The following EPHA6 variants were observed in gnomAD, a reference collection of about 807,000 sequenced individuals.
EPHA6 encodes EPH receptor A6.
A neutral mutation model predicts 112.0 loss-of-function variants in EPHA6; 50 were observed. The ratio of observed to expected loss-of-function variants is 0.45; its 90% CI spans 0.36 to 0.56. EPHA6 has a LOEUF of 0.56. Among genes scored for constraint, EPHA6 ranks in the 20% least tolerant of loss-of-function variants. The pLI, the probability that EPHA6 is intolerant of heterozygous loss-of-function variation, is 0.00. For synonymous variants in EPHA6, 529 were observed against 490.7 expected (o/e 1.08, Z -1.03); for missense variants, 1,280 against 1,417.4 (o/e 0.90, Z 1.56).
At chr3:97,560,650 T>C (rs2093176532) in intron 11 of EPHA6, 1 of 152,072 alleles carries the variant, frequency 6.6e-6, no homozygotes, top group South Asian at 2.1e-4. Flanking sequence ...AGTAGATTCA[T>C]TTTGAAGAAA....
chr3:97,275,936 G>C (rs919416602), intron 5 of EPHA6, among the ~76,000 whole-genome samples: 6 of 152,040 alleles, frequency 3.9e-5, no homozygotes, highest in African/African-American at 1.5e-4. Context: ...AGATAATTTA[G>C]TTAAAATGTC....
intron 1 of EPHA6, among the ~76,000 whole-genome samples, chr3:96,864,359 G>T (rs997513813): frequency 6.6e-6 from 1 of 152,044 alleles, no homozygotes; most frequent in African/African-American, 2.4e-5. Flanking sequence ...AGTGGAATAG[G>T]TTTCAGCAAC....
At position 96,915,914 on chromosome 3, in the gene EPHA6, A is replaced by T. The variant is rs553372191; in HGVS notation, c.450+49025A>T. Among the ~76,000 whole-genome samples, 19 of 152,218 alleles carry T rather than the reference A, an allele frequency of 1.2e-4. No homozygotes were observed. The East Asian group carries it at 3.3e-3, about 26-fold the overall frequency. On this transcript the variant is annotated intron_variant, in intron 2 of 17. Coordinates refer to ENST00000389672, the MANE Select transcript of EPHA6 (RefSeq NM_001080448.3). ...GGGAAATAGGAATAACCATCATTGA[A>T]TGTGTCGTATAGGTTTGTGTGATTC... is the stretch of plus-strand genomic sequence containing the variant.
At chr3:97,247,265 T>TA (rs1202952989) in intron 5 of EPHA6, among the ~76,000 whole-genome samples, 2 of 152,030 alleles carry the variant, frequency 1.3e-5, no homozygotes, top group African/African-American at 4.8e-5. Flanking sequence ...GCAAAATTGA[T>TA]AAGTGTTATT....
intron 3 of EPHA6, among the ~76,000 whole-genome samples, chr3:97,001,451 G>T (rs1186884971): frequency 6.6e-6 from 1 of 151,792 alleles, no homozygotes; most frequent in Non-Finnish European, 1.5e-5. Context: ...AATTACTGGT[G>T]TTCTCAGTTA....
chr3:97,466,386 A>G (rs1229306191), intron 7 of EPHA6: 1 of 1,609,060 alleles, frequency 6.2e-7, no homozygotes, highest in Non-Finnish European at 8.5e-7. Context: ...CATCCAGTCT[A>G]ATTATTTTCT....
At chr3:97,303,789 C>G (rs1163393427) in intron 5 of EPHA6, among the ~76,000 whole-genome samples, 2 of 152,062 alleles carry the variant, frequency 1.3e-5, no homozygotes, top group East Asian at 3.9e-4. Context: ...CAGCTTTTCC[C>G]AGACAAAATT....
chr3:97,531,093 T>C (rs2092689961), intron 10 of EPHA6, among the ~76,000 whole-genome samples: 1 of 152,064 alleles, frequency 6.6e-6, no homozygotes, highest in African/African-American at 2.4e-5. Context: ...CTTGTATGAA[T>C]AGTACTTTAC....
chr3:97,307,303 T>C (rs1358272713), intron 5 of EPHA6, among the ~76,000 whole-genome samples: 1 of 151,662 alleles, frequency 6.6e-6, no homozygotes, highest in Non-Finnish European at 1.5e-5. Flanking sequence ...AGAGCTGGGG[T>C]CAGATGCCCC....
In EPHA6 at chr3:97,694,476, A is replaced by G. The variant is rs538476693; in HGVS notation, c.2785-25785A>G. On this transcript the variant is annotated intron_variant, in intron 14 of 17. Coordinates refer to ENST00000389672, the MANE Select transcript of EPHA6 (RefSeq NM_001080448.3). ...TGTCTCAAACTCCTGACCTCAGGTG[A>G]TCCACCCGCCTTGGCCTCCCAGAGT... Among the ~76,000 whole-genome samples, 8 of 152,242 alleles carry G rather than the reference A, an allele frequency of 5.3e-5. No individual in the cohort carries two copies. The South Asian group carries it at 1.0e-3, about 20-fold the overall frequency.
intron 3 of EPHA6, among the ~76,000 whole-genome samples, chr3:97,176,368 T>C (rs980236394): frequency 6.6e-6 from 1 of 151,924 alleles, no homozygotes. Context: ...CATTTCTTGA[T>C]GTGTCTTAGT....
chr3:97,076,420 T>G (rs572481050), intron 3 of EPHA6, among the ~76,000 whole-genome samples: 1 of 152,218 alleles, frequency 6.6e-6, no homozygotes, highest in South Asian at 2.1e-4. Context: ...CTGTGAAGGC[T>G]GAGAGAGGTA....
At chr3:97,580,049 T>G (rs1393162658) in intron 11 of EPHA6, among the ~76,000 whole-genome samples, 1 of 152,224 alleles carries the variant, frequency 6.6e-6, no homozygotes, top group Non-Finnish European at 1.5e-5. Flanking sequence ...ATATTAAAAC[T>G]TTAGACATTT....
intron 1 of EPHA6, among the ~76,000 whole-genome samples, chr3:96,829,938 T>TGCGCGC (rs368535487): frequency 0.011 from 1,327 of 120,182 alleles, 22 homozygotes; most frequent in African/African-American, 0.032. Flanking sequence ...CACGTGCATG[T>TGCGCGC]GCGCGCGCGC....
Position 96,970,784 on chromosome 3 carries a change from T to C in EPHA6, c.451-16546T>C, listed in dbSNP as rs530904587. On this transcript the variant is annotated intron_variant, in intron 2 of 17. Transcript: ENST00000389672. ...ATGTGGTCCAACATAACTTTTCACA[T>C]ACTTTTGGTGTTAATTCTTCTGTTT... Among the ~76,000 whole-genome samples the C allele has an allele frequency of 2.0e-5, 3 of 152,136 alleles. No individual in the cohort carries two copies. The South Asian group carries it at 6.2e-4, about 32-fold the overall frequency.
At chr3:97,433,069 C>T (rs957498082) in intron 6 of EPHA6, among the ~76,000 whole-genome samples, 1 of 152,104 alleles carries the variant, frequency 6.6e-6, no homozygotes, top group Non-Finnish European at 1.5e-5. Context: ...TTTTCATCTA[C>T]GGCATAGATA....
chr3:97,665,224 T>A (rs1419718751), intron 14 of EPHA6, among the ~76,000 whole-genome samples: 1 of 152,150 alleles, frequency 6.6e-6, no homozygotes, highest in East Asian at 1.9e-4. Flanking sequence ...GGGGAAAGGA[T>A]TCCCTATTTA....
At chr3:96,880,725 G>GT (rs1482511504) in intron 2 of EPHA6, among the ~76,000 whole-genome samples, 3 of 151,908 alleles carry the variant, frequency 2.0e-5, no homozygotes, top group Non-Finnish European at 4.4e-5. Flanking sequence ...ACACTAATCT[G>GT]TTTTTTATCT....
At chr3:97,507,624 C>CT (rs1272900876) in intron 10 of EPHA6, among the ~76,000 whole-genome samples, 1 of 151,994 alleles carries the variant, frequency 6.6e-6, no homozygotes, top group African/African-American at 2.4e-5. Flanking sequence ...CTGAAATTTT[C>CT]TTTTTTTGTT....
Sources: gnomAD v4.1 joint callset for allele counts (sites outside exome capture counted in the v4.1 genomes callset) on GRCh38, gnomAD v4.1.1 for gene constraint, MANE v1.5 for transcripts, NCBI Gene and HGNC (gene_info 2026-07-23, HGNC 2026-07-21) for gene names.